BTBD10: variants seen among roughly 807,000 people sequenced by gnomAD.
The protein encoded by BTBD10 is BTB/POZ domain-containing protein 10.
A neutral mutation model predicts 53.2 loss-of-function variants in BTBD10; 21 were observed. That is an observed-to-expected ratio of 0.39 (90% CI 0.28 to 0.57). The LOEUF is 0.57. Among genes scored for constraint, BTBD10 ranks in the 20% least tolerant of loss-of-function variants. BTBD10 has a pLI of 0.53. For synonymous variants in BTBD10, 149 were observed against 192.7 expected (o/e 0.77, Z 1.88); for missense variants, 360 against 594.7 (o/e 0.61, Z 4.10).
At chr11:13,400,323 C>A (rs190314955) in intron 8 of BTBD10, among the ~76,000 whole-genome samples, 37 of 152,102 alleles carry the variant, frequency 2.4e-4, no homozygotes, top group Admixed American at 5.9e-4. Flanking sequence ...AGCAAGGCTC[C>A]GTGGGTGTAG....
At chr11:13,441,579 A>T (rs1358179791) in intron 2 of BTBD10, among the ~76,000 whole-genome samples, 1 of 152,132 alleles carries the variant, frequency 6.6e-6, no homozygotes, top group Non-Finnish European at 1.5e-5. Flanking sequence ...GTAAATACAC[A>T]TTAGATAGTA....
In BTBD10 at chr11:13,388,731, T is replaced by C. The variant is rs749997805; in HGVS notation, c.*100A>G. 7.9e-7 allele frequency: 1 copy of C among 1,267,998 alleles called. No individual in the cohort carries two copies. Among genetic ancestry groups the C allele is most frequent in the Admixed American group, 2.1e-5 (1 of 47,648 alleles). 78.5% of individuals were successfully genotyped at this position (1,267,998 alleles called of 1,614,324 possible). ...CTGCAATATCCTAAACATTGTTATG[T>C]GCATCTCACAATGAAGAAGAGTGGC... is the stretch of plus-strand genomic sequence containing the variant. On this transcript the variant is annotated 3_prime_UTR_variant, in exon 9 of 9. Transcript: ENST00000278174.
chr11:13,388,829 C>A lies in BTBD10; in HGVS notation c.*2G>T. ...ATGCTATGGTTTCAAGGAAGATCAGCATCACAGCATTGGATTCTGTGCATC... is the reference window on the plus strand; with the variant it reads ...ATGCTATGGTTTCAAGGAAGATCAGAATCACAGCATTGGATTCTGTGCATC... On this transcript the variant is annotated 3_prime_UTR_variant, in exon 9 of 9. Transcript: ENST00000278174. 1 of 1,606,984 alleles carries A rather than the reference C, an allele frequency of 6.2e-7. No individual in the cohort carries two copies.
chr11:13,396,522 T>C (rs1053100441), intron 8 of BTBD10, among the ~76,000 whole-genome samples: 2 of 152,218 alleles, frequency 1.3e-5, no homozygotes, highest in South Asian at 2.1e-4. Context: ...CCTAACTGAA[T>C]ACCCTTTATT....
chr11:13,406,274 A>C (rs897334947), intron 6 of BTBD10, among the ~76,000 whole-genome samples: 12 of 152,256 alleles, frequency 7.9e-5, no homozygotes, highest in African/African-American at 2.4e-4. Flanking sequence ...TGCAGGCAAA[A>C]GATCAAGCAA....
At chr11:13,458,637 T>C (rs984237727) in intron 1 of BTBD10, among the ~76,000 whole-genome samples, 9 of 152,240 alleles carry the variant, frequency 5.9e-5, no homozygotes, top group Non-Finnish European at 1.2e-4. Flanking sequence ...TTAATGGTTT[T>C]AAAGTTACTT....
intron 2 of BTBD10, among the ~76,000 whole-genome samples, chr11:13,438,407 A>T (rs1950582137): frequency 1.3e-5 from 2 of 151,978 alleles, no homozygotes; most frequent in South Asian, 4.1e-4. Flanking sequence ...CTTTTTGGAG[A>T]TATTTATGCT....
At chr11:13,404,748 C>G (rs1949781238) in intron 7 of BTBD10, 1 of 254,822 alleles carries the variant, frequency 3.9e-6, no homozygotes, top group South Asian at 1.5e-4. Flanking sequence ...AGAAATATCT[C>G]AATGCAAACT....
At chr11:13,397,982 T>G (rs1949600898) in intron 8 of BTBD10, among the ~76,000 whole-genome samples, 2 of 152,318 alleles carry the variant, frequency 1.3e-5, no homozygotes, top group Middle Eastern at 3.4e-3. Flanking sequence ...AATTTTGGAA[T>G]AGGTGTGGTG....
chr11:13,397,832 T>C (rs1330035673), intron 8 of BTBD10, among the ~76,000 whole-genome samples: 1 of 152,252 alleles, frequency 6.6e-6, no homozygotes, highest in Non-Finnish European at 1.5e-5. Context: ...GTTGTTCAGT[T>C]TCCATGTAGT....
rs1949306135 is a variant in BTBD10 at position 13,388,313 on chromosome 11, A to G, written c.*518T>C. 1 of 154,604 alleles carries G rather than the reference A, an allele frequency of 6.5e-6. No homozygotes were observed. Among genetic ancestry groups the G allele is most frequent in the Non-Finnish European group, 1.4e-5 (1 of 69,240 alleles). The allele number at this position is 154,604 out of a possible 1,614,324, so 9.6% of individuals were successfully genotyped here. On this transcript the variant is annotated 3_prime_UTR_variant, in exon 9 of 9. Transcript: ENST00000278174. ...TGATCATTCAGATAAGCCCAAGATA[A>G]ATACTTTTTGCTCATCAAGGGCAGC... is the stretch of plus-strand genomic sequence containing the variant.
intron 1 of BTBD10, among the ~76,000 whole-genome samples, chr11:13,457,530 T>G (rs1165966555): frequency 6.6e-6 from 1 of 152,140 alleles, no homozygotes; most frequent in Non-Finnish European, 1.5e-5. Flanking sequence ...TTTTGTAACA[T>G]AAAGGGTAAA....
At chr11:13,404,778 C>T (rs1409138841) in intron 7 of BTBD10, 1 of 187,818 alleles carries the variant, frequency 5.3e-6, no homozygotes, top group African/African-American at 2.4e-5. Context: ...GCTACCATAA[C>T]TTGTGTTAAA....
chr11:13,432,041 TA>T, intron 2 of BTBD10, among the ~76,000 whole-genome samples: 1 of 152,092 alleles, frequency 6.6e-6, no homozygotes, highest in South Asian at 2.1e-4. Flanking sequence ...AAAAAAAAAC[TA>T]TTGATATCTG....
At chr11:13,456,381 G>C (rs930757558) in intron 1 of BTBD10, among the ~76,000 whole-genome samples, 5 of 151,972 alleles carry the variant, frequency 3.3e-5, no homozygotes, top group Admixed American at 6.6e-5. Context: ...TAAACATTCA[G>C]GAAAACATGA....
At chr11:13,440,784 T>C (rs886421306) in intron 2 of BTBD10, among the ~76,000 whole-genome samples, 1 of 152,202 alleles carries the variant, frequency 6.6e-6, no homozygotes, top group Non-Finnish European at 1.5e-5. Flanking sequence ...AGACCTGAGT[T>C]TTATATGGTC....
At chr11:13,415,190 T>C (rs1383172350) in intron 5 of BTBD10, among the ~76,000 whole-genome samples, 1 of 146,264 alleles carries the variant, frequency 6.8e-6, no homozygotes, top group African/African-American at 2.5e-5. Flanking sequence ...CTCAGCTCAC[T>C]GCAACCTTCG....
intron 6 of BTBD10, among the ~76,000 whole-genome samples, chr11:13,408,968 G>A (rs557568745): frequency 7.9e-5 from 12 of 152,230 alleles, no homozygotes; most frequent in African/African-American, 2.9e-4. Flanking sequence ...TGTGAACAGG[G>A]CCCCCATGAA....
chr11:13,422,472 AC>A (rs1423499241), intron 2 of BTBD10, among the ~76,000 whole-genome samples: 1 of 152,132 alleles, frequency 6.6e-6, no homozygotes, highest in Admixed American at 6.5e-5. Flanking sequence ...ACATGGCAAA[AC>A]CCTGTCTCTA....
Sources: allele counts gnomAD v4.1 joint callset (sites outside exome capture counted in the v4.1 genomes callset), GRCh38; gene constraint gnomAD v4.1.1; transcripts MANE v1.5; gene names NCBI Gene and HGNC (gene_info 2026-07-23, HGNC 2026-07-21).